Variants in HAAO observed in about 807,000 individuals in gnomAD.
The protein encoded by HAAO is 3-hydroxyanthranilate oxygenase.
HAAO carries 49 observed loss-of-function variants against 46.2 expected under a neutral mutation model. That is an observed-to-expected ratio of 1.06 (90% CI 0.84 to 1.34). The LOEUF (loss-of-function observed/expected upper bound fraction) is 1.34. HAAO is among the 40% of genes most tolerant of loss of function. The pLI is 0.00. For missense variants in HAAO, 408 were observed against 364.5 expected, an observed-to-expected ratio of 1.12 and a Z score of -0.97; for synonymous variants, 157 against 145.2, an observed-to-expected ratio of 1.08 and a Z score of -0.58.
intron 1 of HAAO, among the ~76,000 whole-genome samples, chr2:42,791,923 G>GGTGTGTGT (rs1553413105): frequency 6.7e-6 from 1 of 150,170 alleles, no homozygotes. Flanking sequence ...GGTCTGGTGT[G>GGTGTGTGT]GTGTGTGTGT....
At chr2:42,774,099 C>T (rs1287708343) in intron 4 of HAAO, among the ~76,000 whole-genome samples, 2 of 152,212 alleles carry the variant, frequency 1.3e-5, no homozygotes, top group Non-Finnish European at 2.9e-5. Context: ...CAATGTTCAT[C>T]TTACATATGT....
chr2:42,776,921 C>A (rs528141074), intron 4 of HAAO, among the ~76,000 whole-genome samples: 7 of 151,852 alleles, frequency 4.6e-5, no homozygotes, highest in African/African-American at 1.7e-4. Flanking sequence ...CCTGAGCCAC[C>A]GTGTCCGGCG....
Position 42,780,240 on chromosome 2 carries a change from G to A in HAAO, c.350+3074C>T, listed in dbSNP as rs183250646. ...TTTTTTTTTTTTAAGATGGAGTCTCGCTCTGTTGCCAGGCTGGAGTGCAGC... is the reference window on the plus strand; with the variant it reads ...TTTTTTTTTTTTAAGATGGAGTCTCACTCTGTTGCCAGGCTGGAGTGCAGC... On this transcript the variant is annotated intron_variant, in intron 4 of 9. Transcript: ENST00000294973. 3.5e-3 allele frequency among the ~76,000 whole-genome samples: 488 copies of A among 139,912 alleles called. 5 individuals carry two copies. Among genetic ancestry groups the A allele is most frequent in the African/African-American group, 0.013 (468 of 36,656 alleles). The allele number at this position is 139,912 out of a possible 152,430, so 91.8% of individuals were successfully genotyped here. A position where few individuals can be genotyped will look rare whatever the true frequency, so the allele number is the denominator to read the frequency against.
In HAAO at chr2:42,770,135, G is replaced by A. The variant is rs749984965; in HGVS notation, c.484+8C>T. 15 of 1,602,870 alleles carry A rather than the reference G, an allele frequency of 9.4e-6. No individual in the cohort carries two copies. Among genetic ancestry groups the A allele is most frequent in the African/African-American group, 2.7e-5 (2 of 74,650 alleles). ...GGGAAGGAGAAGGGCAGTTCCCAGCGGCCTCACCAGGGATGGGCTTTCCTG... is the reference window on the plus strand; with the variant it reads ...GGGAAGGAGAAGGGCAGTTCCCAGCAGCCTCACCAGGGATGGGCTTTCCTG... On this transcript the variant is annotated splice_region_variant and intron_variant, in intron 6 of 9. Transcript: ENST00000294973.
At chr2:42,774,030 C>T (rs184482909) in intron 4 of HAAO, among the ~76,000 whole-genome samples, 2 of 152,328 alleles carry the variant, frequency 1.3e-5, no homozygotes, top group Non-Finnish European at 2.9e-5. Flanking sequence ...TAGAAGCCCC[C>T]TCCCTGCTTT....
At chr2:42,776,308 C>T (rs1225351249) in intron 4 of HAAO, among the ~76,000 whole-genome samples, 3 of 135,830 alleles carry the variant, frequency 2.2e-5, no homozygotes, top group Admixed American at 8.7e-5. Context: ...GGTATGATCT[C>T]GACTCACTGC....
At chr2:42,770,361 CT>C in intron 5 of HAAO, 131 bp downstream of exon 5, 1 of 891,186 alleles carries the variant, frequency 1.1e-6, no homozygotes, top group Non-Finnish European at 1.8e-6. Flanking sequence ...CTGCTCCCCC[CT>C]CCCCCCGGCC....
At chr2:42,780,417 A>G (rs1671900227) in intron 4 of HAAO, among the ~76,000 whole-genome samples, 1 of 151,970 alleles carries the variant, frequency 6.6e-6, no homozygotes, top group African/African-American at 2.4e-5. Flanking sequence ...CATGTTGGCC[A>G]GAATGGTCTC....
chr2:42,788,959 C>T, intron 1 of HAAO: 1 of 310,838 alleles, frequency 3.2e-6, no homozygotes, highest in Non-Finnish European at 6.3e-6. Flanking sequence ...AAGACCCCTT[C>T]CCAGGATGGG....
intron 1 of HAAO, among the ~76,000 whole-genome samples, chr2:42,790,153 C>T (rs1193299940): frequency 6.6e-6 from 1 of 152,114 alleles, no homozygotes; most frequent in African/African-American, 2.4e-5. Context: ...TCCAGCCCAG[C>T]TGGGAGGCAT....
chr2:42,789,906 G>A (rs1335512631), intron 1 of HAAO, among the ~76,000 whole-genome samples: 3 of 152,352 alleles, frequency 2.0e-5, no homozygotes, highest in East Asian at 1.9e-4. Context: ...ATGTGTCTGT[G>A]TAGGGCTTCA....
chr2:42,787,008 G>A (rs905178465), intron 2 of HAAO, among the ~76,000 whole-genome samples: 1 of 152,124 alleles, frequency 6.6e-6, no homozygotes, highest in African/African-American at 2.4e-5. Context: ...CAGCCCTGAG[G>A]CTGCCCAAGT....
At chr2:42,778,782 G>C (rs1671774590) in intron 4 of HAAO, among the ~76,000 whole-genome samples, 1 of 152,274 alleles carries the variant, frequency 6.6e-6, no homozygotes, top group Middle Eastern at 3.4e-3. Context: ...GATGGGCATG[G>C]GAGACTGTAA....
intron 4 of HAAO, among the ~76,000 whole-genome samples, chr2:42,776,261 C>CA (rs1179175497): frequency 1.0e-5 from 1 of 99,096 alleles, no homozygotes; most frequent in African/African-American, 4.3e-5. Context: ...TTTTTTGAGA[C>CA]AGAGTTTCAC....
intron 4 of HAAO, among the ~76,000 whole-genome samples, chr2:42,772,413 AG>A (rs1671203314): frequency 1.3e-5 from 2 of 151,488 alleles, no homozygotes; most frequent in African/African-American, 4.9e-5. Context: ...CCCGGGAGGC[AG>A]AGGTTGCAGT....
At chr2:42,787,549 C>T in intron 2 of HAAO, among the ~76,000 whole-genome samples, 1 of 152,172 alleles carries the variant, frequency 6.6e-6, no homozygotes, top group South Asian at 2.1e-4. Context: ...GAGGAGTTGG[C>T]TGGTTCTGCT....
intron 8 of HAAO, 52 bp downstream of exon 8, chr2:42,767,808 C>G: frequency 1.3e-6 from 2 of 1,586,224 alleles, no homozygotes; most frequent in South Asian, 1.1e-5. Flanking sequence ...GAGGAGCGGG[C>G]TGATGCCCTC....
At chr2:42,779,057 G>A (rs1414566404) in intron 4 of HAAO, among the ~76,000 whole-genome samples, 1 of 152,034 alleles carries the variant, frequency 6.6e-6, no homozygotes, top group East Asian at 1.9e-4. Context: ...AGATTGCAGT[G>A]AGCTGAGATC....
At chr2:42,767,815 C>T (rs945384652) in intron 8 of HAAO, 45 bp downstream of exon 8, 21 of 1,596,254 alleles carry the variant, frequency 1.3e-5, no homozygotes, top group Non-Finnish European at 1.6e-5. Flanking sequence ...GGGCTGATGC[C>T]CTCTGGCAGG....
Sources: allele counts gnomAD v4.1 joint callset (sites outside exome capture counted in the v4.1 genomes callset), GRCh38; gene constraint gnomAD v4.1.1; transcripts MANE v1.5; gene names NCBI Gene and HGNC (gene_info 2026-07-23, HGNC 2026-07-21).